GATAD1: variants seen among roughly 807,000 people sequenced by gnomAD.
GATAD1 encodes the protein GATA zinc finger domain containing 1.
GATAD1 carries 12 observed loss-of-function variants against 26.5 expected under a neutral mutation model. That is an observed-to-expected ratio of 0.45 (90% CI 0.29 to 0.73). The LOEUF is 0.73. Among genes scored for constraint, GATAD1 ranks in the 30% least tolerant of loss-of-function variants. The pLI, the probability that GATAD1 is intolerant of heterozygous loss-of-function variation, is 0.10. For missense variants in GATAD1, 266 were observed against 342.1 expected (o/e 0.78, Z 1.75); for synonymous variants, 129 against 133.1 (o/e 0.97, Z 0.21).
the GATAD1 span, chr7:92,471,425 G>C: frequency 6.6e-6 from 1 of 152,326 alleles, no homozygotes; most frequent in East Asian, 1.9e-4. Flanking sequence ...TAAGTGAAAG[G>C]TTTGATGAAG....
At chr7:92,468,259 G>A in the GATAD1 span, 18 of 165,034 alleles carry the variant, frequency 1.1e-4, no homozygotes, top group South Asian at 1.7e-4. Context: ...GGAGCACAGC[G>A]GACACCCTGC....
the GATAD1 span, chr7:92,489,283 T>C: frequency 6.2e-7 from 1 of 1,612,106 alleles, no homozygotes; most frequent in South Asian, 1.1e-5. Flanking sequence ...AAACAGAATC[T>C]GTTACTTACA....
Position 92,457,612 on chromosome 7 carries a change from A to G in GATAD1, c.*1050A>G, listed in dbSNP as rs1789736099. On this transcript the variant is annotated 3_prime_UTR_variant, in exon 5 of 5. Transcript: ENST00000287957. ...CAGGTAGTATCTATTTTTCTCCATT[A>G]TTTATTTCTAGAAACTCATAAAATG... The G allele has an allele frequency of 1.3e-5, 2 of 152,194 alleles. No homozygotes were observed. Among genetic ancestry groups the G allele is most frequent in the Admixed American group, 1.3e-4 (2 of 15,280 alleles). 9.4% of individuals were successfully genotyped at this position (152,194 alleles called of 1,614,324 possible). A position where few individuals can be genotyped will look rare whatever the true frequency, so the allele number is the denominator to read the frequency against.
At chr7:92,491,253 T>G in the GATAD1 span, 1 of 1,470,944 alleles carries the variant, frequency 6.8e-7, no homozygotes, top group Non-Finnish European at 9.5e-7. Context: ...AACTGTATAA[T>G]GATGACTGCA....
the GATAD1 span, chr7:92,489,763 A>T: frequency 6.2e-7 from 1 of 1,614,144 alleles, no homozygotes; most frequent in Non-Finnish European, 8.5e-7. Context: ...ATCTGCCCTC[A>T]GTTGATCTCT....
the GATAD1 span, among the ~76,000 whole-genome samples, chr7:92,484,167 G>T: frequency 6.6e-6 from 1 of 152,182 alleles, no homozygotes; most frequent in Non-Finnish European, 1.5e-5. Context: ...AGTTTGTACT[G>T]CAGCCACGCA....
At chr7:92,454,763 G>A (rs561276126) in intron 4 of GATAD1, 78 bp downstream of exon 4, 2 of 1,008,178 alleles carry the variant, frequency 2.0e-6, no homozygotes, top group African/African-American at 1.7e-5. Context: ...GTGTTAGTCA[G>A]CTTGGGCTGT....
the GATAD1 span, among the ~76,000 whole-genome samples, chr7:92,486,658 T>G: frequency 2.0e-5 from 3 of 152,154 alleles, no homozygotes; most frequent in Non-Finnish European, 4.4e-5. Context: ...CATACCATCA[T>G]GCATGGCTAA....
At chr7:92,478,046 G>A in the GATAD1 span, 3 of 152,040 alleles carry the variant, frequency 2.0e-5, no homozygotes, top group Non-Finnish European at 4.4e-5. Flanking sequence ...TCCTGTCTTT[G>A]CCTAATTAGC....
At chr7:92,494,383 C>A in the GATAD1 span, 1 of 1,613,918 alleles carries the variant, frequency 6.2e-7, no homozygotes, top group Non-Finnish European at 8.5e-7. Context: ...TAGTAGCAGC[C>A]AATACATAAA....
At chr7:92,495,350 G>T in the GATAD1 span, among the ~76,000 whole-genome samples, 1 of 152,052 alleles carries the variant, frequency 6.6e-6, no homozygotes, top group African/African-American at 2.4e-5. Flanking sequence ...CTCATTAAAT[G>T]CATGGCAAGT....
chr7:92,489,766 T>C, the GATAD1 span: 23 of 1,614,046 alleles, frequency 1.4e-5, no homozygotes, highest in Non-Finnish European at 1.9e-5. Flanking sequence ...TGCCCTCAGT[T>C]GATCTCTTTG....
At chr7:92,480,051 G>T in the GATAD1 span, among the ~76,000 whole-genome samples, 2 of 152,224 alleles carry the variant, frequency 1.3e-5, no homozygotes, top group East Asian at 3.9e-4. Context: ...GGTGGGGTGT[G>T]TTTTTAAAAG....
the GATAD1 span, chr7:92,491,282 G>C: frequency 3.8e-6 from 6 of 1,598,416 alleles, no homozygotes; most frequent in Admixed American, 5.0e-5. Flanking sequence ...CAAATCAGAA[G>C]AGGTTCCATT....
At chr7:92,449,418 A>G in intron 2 of GATAD1, 1 of 983,376 alleles carries the variant, frequency 1.0e-6, no homozygotes, top group Non-Finnish European at 1.2e-6. Context: ...GAGATTGTTG[A>G]AAGACCTGTG....
chr7:92,494,465 T>C, the GATAD1 span: 4 of 1,612,670 alleles, frequency 2.5e-6, no homozygotes, highest in African/African-American at 4.0e-5. Flanking sequence ...TAACATTCTA[T>C]TTCTGTATTT....
rs372474938 is a variant in GATAD1 at position 92,459,241 on chromosome 7, G to T, written c.*2679G>T. On this transcript the variant is annotated 3_prime_UTR_variant, in exon 5 of 5. Transcript: ENST00000287957. ...TCCATCTCCAAAAAAAAAAAAAAAA[G>T]ATTTTGGAGTAGATTCATCATTAAT... 2.0e-5 allele frequency: 3 copies of T among 147,580 alleles called. No homozygotes were observed. The South Asian group carries it at 6.4e-4, about 32-fold the overall frequency. The allele number at this position is 147,580 out of a possible 1,614,324, so 9.1% of individuals were successfully genotyped here.
the GATAD1 span, among the ~76,000 whole-genome samples, chr7:92,473,807 C>T: frequency 6.6e-6 from 1 of 151,912 alleles, no homozygotes; most frequent in African/African-American, 2.4e-5. Context: ...AGACAACCTC[C>T]TGGCCCTCAA....
chr7:92,456,517 T>C lies in GATAD1; in HGVS notation c.765T>C (p.Pro255=). The change falls in exon 5 of 5, where the codon CCT becomes CCC. Residue 255 remains proline (P), a synonymous_variant. Transcript: ENST00000287957. The stretch of plus-strand genomic sequence containing the variant: ...GCTACATATGGACTCATGTTGGGCC[T>C]ACTCCTGCAATAACAATTAAGGAAT... ...EKGYIWTHVG[P]TPAITIKESV... is the part of the protein sequence containing the mutation. The C allele has an allele frequency of 1.2e-6, 2 of 1,612,772 alleles. No individual in the cohort carries two copies. The highest frequency in any genetic ancestry group is 1.7e-6 in the Non-Finnish European group (2 of 1,179,340).
Sources: gnomAD v4.1 joint callset for allele counts (sites outside exome capture counted in the v4.1 genomes callset) on GRCh38, gnomAD v4.1.1 for gene constraint, MANE v1.5 for transcripts, NCBI Gene and HGNC (gene_info 2026-07-23, HGNC 2026-07-21) for gene names.